COL24A1: variants seen among roughly 807,000 people sequenced by gnomAD.
The protein encoded by COL24A1 is collagen alpha-1(XXIV) chain.
Under a neutral mutation model 253.9 loss-of-function variants are expected in COL24A1, and 224 were observed. That is an observed-to-expected ratio of 0.88 (90% CI 0.79 to 0.99). The LOEUF is 0.99. COL24A1 is among the 50% of genes least tolerant of loss of function. The pLI, the probability that COL24A1 is intolerant of heterozygous loss-of-function variation, is 0.00. For synonymous variants in COL24A1, 685 were observed against 673.7 expected, an observed-to-expected ratio of 1.02 and a Z score of -0.26; for missense variants, 2,131 against 2,068.5, an observed-to-expected ratio of 1.03 and a Z score of -0.59.
intron 7 of COL24A1, among the ~76,000 whole-genome samples, chr1:86,079,898 A>G (rs1283615275): frequency 6.6e-6 from 1 of 152,192 alleles, no homozygotes. Flanking sequence ...CTACCACTGG[A>G]TTTAGCAATC....
chr1:85,885,239 C>T (rs953466953), intron 32 of COL24A1, among the ~76,000 whole-genome samples: 2 of 151,808 alleles, frequency 1.3e-5, no homozygotes, highest in African/African-American at 2.4e-5. Flanking sequence ...CTTGTTCCGT[C>T]ACCCAGGCTG....
chr1:86,047,912 A>G (rs1700024037), intron 11 of COL24A1, among the ~76,000 whole-genome samples: 2 of 152,162 alleles, frequency 1.3e-5, no homozygotes, highest in Non-Finnish European at 2.9e-5. Context: ...TAGTACATAC[A>G]GGTAAGTTAG....
In COL24A1 at chr1:85,912,502, T is replaced by C. The variant is rs114485465; in HGVS notation, c.2563-1069A>G. On this transcript the variant is annotated intron_variant, in intron 24 of 59. Coordinates refer to ENST00000370571, the MANE Select transcript of COL24A1 (RefSeq NM_152890.7). ...TTAGATAGATTCTCATACGATAGTATACATTAGCATACAGAAAGCACTGAC... is the reference window on the plus strand; with the variant it reads ...TTAGATAGATTCTCATACGATAGTACACATTAGCATACAGAAAGCACTGAC... Among the ~76,000 whole-genome samples, 305 of 152,320 alleles carry C rather than the reference T, an allele frequency of 2.0e-3. 1 individual carries two copies. The highest frequency in any genetic ancestry group is 7.1e-3 in the African/African-American group (295 of 41,572).
At chr1:85,981,523 G>T (rs965649355) in intron 20 of COL24A1, among the ~76,000 whole-genome samples, 1 of 152,014 alleles carries the variant, frequency 6.6e-6, no homozygotes, top group Non-Finnish European at 1.5e-5. Context: ...TTGAACCTAA[G>T]ACCTGAAACC....
chr1:86,108,198 T>C (rs1045881833), intron 5 of COL24A1, among the ~76,000 whole-genome samples: 8 of 152,178 alleles, frequency 5.3e-5, no homozygotes, highest in Admixed American at 3.3e-4. Context: ...TTTTGATACA[T>C]ATTTTCTGGG....
Position 85,861,387 on chromosome 1 carries a change from T to G in COL24A1, c.3300+7132A>C, listed in dbSNP as rs181055921. On this transcript the variant is annotated intron_variant, in intron 37 of 59. Transcript: ENST00000370571. The stretch of plus-strand genomic sequence containing the variant: ...CTTATCATATATGATTTTCAAATAT[T>G]TTCTCCTATTATGTGGGTTGATCTT... Among the ~76,000 whole-genome samples the G allele has an allele frequency of 3.3e-5, 5 of 152,306 alleles. No homozygotes were observed. In the East Asian group the frequency reaches 9.6e-4, roughly 29 times the overall value.
intron 28 of COL24A1, among the ~76,000 whole-genome samples, chr1:85,897,891 G>A (rs76982489): frequency 6.6e-6 from 1 of 152,146 alleles, no homozygotes; most frequent in Non-Finnish European, 1.5e-5. Context: ...TTCAAAGAGG[G>A]AGACAAACTT....
chr1:86,155,906 C>T lies in COL24A1; in HGVS notation c.56+435G>A, dbSNP rs117736549. On this transcript the variant is annotated intron_variant, in intron 1 of 59. Transcript: ENST00000370571. The stretch of plus-strand genomic sequence containing the variant: ...TGACCCTGGGGGACCTCTAGCGTCA[C>T]AGCAATCGCCAGGCTGGACGCCCTG... The T allele has an allele frequency of 4.6e-3, 742 of 161,790 alleles. 11 individuals carry two copies. The East Asian group carries it at 0.05, about 11-fold the overall frequency. 10.0% of individuals were successfully genotyped at this position (161,790 alleles called of 1,614,324 possible). A position where few individuals can be genotyped will look rare whatever the true frequency, so the allele number is the denominator to read the frequency against.
intron 1 of COL24A1, among the ~76,000 whole-genome samples, chr1:86,152,948 T>G (rs1216394728): frequency 6.6e-6 from 1 of 152,188 alleles, no homozygotes; most frequent in Non-Finnish European, 1.5e-5. Flanking sequence ...CCCCAACCTC[T>G]GCTTGTTAAA....
At chr1:85,841,728 C>G (rs1225145353) in intron 41 of COL24A1, among the ~76,000 whole-genome samples, 1 of 152,082 alleles carries the variant, frequency 6.6e-6, no homozygotes, top group Non-Finnish European at 1.5e-5. Flanking sequence ...GATCCTGACT[C>G]TCCTGCCCCA....
At chr1:85,954,018 G>T (rs2100606087) in intron 24 of COL24A1, among the ~76,000 whole-genome samples, 2 of 152,200 alleles carry the variant, frequency 1.3e-5, no homozygotes, top group South Asian at 4.1e-4. Flanking sequence ...GAAAAGCAAA[G>T]TTCCATTTTA....
intron 28 of COL24A1, among the ~76,000 whole-genome samples, chr1:85,899,771 T>C (rs1256998307): frequency 6.6e-6 from 1 of 152,172 alleles, no homozygotes; most frequent in East Asian, 1.9e-4. Context: ...AGTCTCATAA[T>C]TAATTGCCAG....
chr1:86,140,414 T>A (rs1650908721), intron 2 of COL24A1, among the ~76,000 whole-genome samples: 3 of 152,226 alleles, frequency 2.0e-5, no homozygotes. Flanking sequence ...AAATGCTAAT[T>A]TATTTATAAA....
In COL24A1 at chr1:85,761,541, G is replaced by T. The variant is rs374002860; in HGVS notation, c.4400C>A (p.Pro1467Gln). 66 of 1,614,098 alleles carry T rather than the reference G, an allele frequency of 4.1e-5. No homozygotes were observed. The African/African-American group carries it at 7.1e-4, about 17-fold the overall frequency. The change falls in exon 54 of 60, where the codon CCA becomes CAA. Residue 1467 changes from proline (P) to glutamine (Q), a missense_variant. By Grantham distance (76) the Pro-to-Gln change is moderately conservative. Coordinates refer to ENST00000370571, the MANE Select transcript of COL24A1 (RefSeq NM_152890.7). Reference protein sequence around the residue: ...ETGPQGPRGQPGPPGPPGAPG... With the variant: ...ETGPQGPRGQQGPPGPPGAPG... Reference sequence around the variant, plus strand: ...TGAAAACCAACTCACTGGAGGCCCTGGTTGACCTCTTGGTCCTTGAGGACC... The same window carrying T: ...TGAAAACCAACTCACTGGAGGCCCTTGTTGACCTCTTGGTCCTTGAGGACC...
chr1:85,964,919 G>T, intron 23 of COL24A1, 90 bp downstream of exon 23: 1 of 1,097,412 alleles, frequency 9.1e-7, no homozygotes, highest in Non-Finnish European at 1.3e-6. Flanking sequence ...TTTTTAAGTT[G>T]ATGTGTTCAT....
At chr1:86,022,379 T>A in intron 17 of COL24A1, 86 bp from the exon 18 acceptor site, 2 of 1,421,178 alleles carry the variant, frequency 1.4e-6, no homozygotes, top group African/African-American at 2.9e-5. Flanking sequence ...AAAAATTTCA[T>A]AAAGTATGCT....
chr1:85,736,275 C>T, intron 58 of COL24A1: 1 of 456,178 alleles, frequency 2.2e-6, no homozygotes, highest in Non-Finnish European at 4.4e-6. Flanking sequence ...CTTCTCTGGT[C>T]TTCCTTGGGT....
chr1:86,098,062 C>A (rs1284434019), intron 5 of COL24A1, among the ~76,000 whole-genome samples: 2 of 152,028 alleles, frequency 1.3e-5, no homozygotes, highest in Non-Finnish European at 2.9e-5. Flanking sequence ...GGAGAGCAAC[C>A]AAAAACAGGA....
chr1:86,090,855 G>C (rs1222547269), intron 6 of COL24A1, among the ~76,000 whole-genome samples: 1 of 152,000 alleles, frequency 6.6e-6, no homozygotes, highest in Non-Finnish European at 1.5e-5. Flanking sequence ...AGTGAAAAAA[G>C]ACTAACATGC....
Sources: gnomAD v4.1 joint callset for allele counts (sites outside exome capture counted in the v4.1 genomes callset) on GRCh38, gnomAD v4.1.1 for gene constraint, MANE v1.5 for transcripts, NCBI Gene and HGNC (gene_info 2026-07-23, HGNC 2026-07-21) for gene names.